The following RPL5 variants were observed in gnomAD, a reference collection of about 807,000 sequenced individuals.
RPL5 encodes the protein large ribosomal subunit protein uL18.
A neutral mutation model predicts 38.4 loss-of-function variants in RPL5; 1 was observed. The ratio of observed to expected loss-of-function variants is 0.03; its 90% CI spans 0.01 to 0.12. The LOEUF is 0.12. RPL5 is among the 10% of genes least tolerant of loss of function. The pLI is 1.00. For synonymous variants in RPL5, 109 were observed against 121.2 expected (o/e 0.90, Z 0.66); for missense variants, 243 against 374.1 (o/e 0.65, Z 2.89).
chr1:92,837,402 C>T lies in RPL5; in HGVS notation c.528-54C>T, dbSNP rs765544108. The T allele has an allele frequency of 2.4e-5, 36 of 1,469,722 alleles. No individual in the cohort carries two copies. In the Admixed American group the frequency reaches 3.7e-4, roughly 15 times the overall value. 91.0% of individuals were successfully genotyped at this position (1,469,722 alleles called of 1,614,324 possible). A position where few individuals can be genotyped will look rare whatever the true frequency, so the allele number is the denominator to read the frequency against. ...TGGCAGCTACTAAAGTAAATTCTTACTAGTAAACTAAGTTAAGTGAGTCTA... is the reference window on the plus strand; with the variant it reads ...TGGCAGCTACTAAAGTAAATTCTTATTAGTAAACTAAGTTAAGTGAGTCTA... On this transcript the variant is annotated intron_variant, in intron 5 of 7. Transcript: ENST00000370321.
intron 1 of RPL5, 184 bp from the exon 2 acceptor site, chr1:92,833,205 G>A: frequency 1.5e-6 from 1 of 652,612 alleles, no homozygotes; most frequent in East Asian, 2.7e-5. Flanking sequence ...CTACTAGTCT[G>A]TGACATGGAA....
At chr1:92,833,321 G>A in intron 1 of RPL5, 68 bp from the exon 2 acceptor site, 1 of 1,271,744 alleles carries the variant, frequency 7.9e-7, no homozygotes, top group East Asian at 2.3e-5. Context: ...TTGTTACATG[G>A]TTAATTTATG....
chr1:92,836,082 ATTTTC>A, intron 4 of RPL5, 103 bp from the exon 5 acceptor site: 1 of 1,038,496 alleles, frequency 9.6e-7, no homozygotes, highest in East Asian at 2.4e-5. Context: ...GTGGAAGGAA[ATTTTC>A]TTTTCCAGAT....
intron 6 of RPL5, 114 bp from the exon 7 acceptor site, chr1:92,840,437 T>C: frequency 5.1e-6 from 4 of 785,098 alleles, no homozygotes; most frequent in Non-Finnish European, 8.8e-6. Flanking sequence ...AACATTGATT[T>C]AGTTTAGTTC....
intron 4 of RPL5, 124 bp from the exon 5 acceptor site, chr1:92,836,066 G>A (rs1486062500): frequency 4.8e-6 from 4 of 830,488 alleles, no homozygotes; most frequent in Admixed American, 1.8e-5. Context: ...TGGTGAAAGG[G>A]TGGGTGTGGA....
chr1:92,838,593 A>G (rs1687215066), intron 6 of RPL5, among the ~76,000 whole-genome samples: 1 of 152,176 alleles, frequency 6.6e-6, no homozygotes. Flanking sequence ...CATTAATTTT[A>G]TCTACAGTGG....
intron 6 of RPL5, among the ~76,000 whole-genome samples, chr1:92,840,106 ACCT>A (rs1687292237): frequency 6.7e-6 from 1 of 149,728 alleles, no homozygotes; most frequent in South Asian, 2.1e-4. Context: ...TGCAGCCTTG[ACCT>A]CCTGGACTCA....
At chr1:92,834,235 T>A (rs983369624) in intron 3 of RPL5, among the ~76,000 whole-genome samples, 23 of 152,236 alleles carry the variant, frequency 1.5e-4, no homozygotes, top group African/African-American at 5.3e-4. Context: ...AAGGTAGTTG[T>A]GAATTAAACA....
chr1:92,837,082 A>C (rs1225464833), intron 5 of RPL5: 1 of 338,216 alleles, frequency 3.0e-6, no homozygotes, highest in Non-Finnish European at 5.7e-6. Flanking sequence ...TTCTCACTTG[A>C]CAATTTCATT....
intron 5 of RPL5, chr1:92,837,251 A>G (rs1687166205): frequency 1.3e-6 from 1 of 753,528 alleles, no homozygotes; most frequent in Admixed American, 1.7e-5. Context: ...TTTTTGTAGC[A>G]TGAATTTCTT....
chr1:92,834,671 A>ATG, intron 3 of RPL5, 108 bp from the exon 4 acceptor site: 3 of 1,446,624 alleles, frequency 2.1e-6, no homozygotes, highest in South Asian at 1.2e-5. Flanking sequence ...ATTTTAAGTG[A>ATG]TGTTCATCTG....
intron 1 of RPL5, chr1:92,833,132 G>T: frequency 1.5e-6 from 1 of 672,786 alleles, no homozygotes; most frequent in Non-Finnish European, 2.7e-6. Flanking sequence ...ATTGGGGCCT[G>T]CATTTTGTAT....
chr1:92,835,203 G>T, intron 4 of RPL5: 1 of 480,900 alleles, frequency 2.1e-6, no homozygotes, highest in Non-Finnish European at 3.8e-6. Flanking sequence ...TGTAGCTAGT[G>T]TCTACTTAAT....
At chr1:92,833,265 C>A in intron 1 of RPL5, 124 bp from the exon 2 acceptor site, 2 of 803,000 alleles carry the variant, frequency 2.5e-6, no homozygotes, top group Non-Finnish European at 2.1e-6. Context: ...ACCTGGGATT[C>A]TACAAGTGAC....
intron 4 of RPL5, among the ~76,000 whole-genome samples, chr1:92,835,498 T>C (rs1342065371): frequency 7.3e-6 from 1 of 136,846 alleles, no homozygotes; most frequent in Non-Finnish European, 1.6e-5. Context: ...ACTAAAAAAG[T>C]AGAAAAAAAA....
At chr1:92,834,942 A>T in intron 4 of RPL5, 29 bp downstream of exon 4, 1 of 1,599,842 alleles carries the variant, frequency 6.3e-7, no homozygotes, top group South Asian at 1.1e-5. Context: ...TAATTGATGT[A>T]GTTTGTGGCT....
chr1:92,839,264 CAGA>C (rs1327831666), intron 6 of RPL5, among the ~76,000 whole-genome samples: 1 of 152,116 alleles, frequency 6.6e-6, no homozygotes, highest in East Asian at 1.9e-4. Flanking sequence ...GAGGCTGAGG[CAGA>C]AGAATTGCTT....
chr1:92,833,749 C>A, intron 3 of RPL5, 89 bp downstream of exon 3: 2 of 998,702 alleles, frequency 2.0e-6, no homozygotes, highest in Non-Finnish European at 3.1e-6. Context: ...GTTAGAAGGG[C>A]TGTCTAGCAC....
At chr1:92,833,918 CAA>C (rs1178552059) in intron 3 of RPL5, 2 of 472,642 alleles carry the variant, frequency 4.2e-6, no homozygotes, top group Non-Finnish European at 7.7e-6. Flanking sequence ...CCAGCCTGGG[CAA>C]TATAGTGAGA....
Sources: allele counts gnomAD v4.1 joint callset (sites outside exome capture counted in the v4.1 genomes callset), GRCh38; gene constraint gnomAD v4.1.1; transcripts MANE v1.5; gene names NCBI Gene and HGNC (gene_info 2026-07-23, HGNC 2026-07-21).